The following MIR2052HG variants were observed in gnomAD, a reference collection of about 807,000 sequenced individuals.
The protein encoded by MIR2052HG is MIR2052 host gene.
At chr8:74,646,617 C>A (rs796869703) in intron 2 of MIR2052HG, among the ~76,000 whole-genome samples, 1 of 152,042 alleles carries the variant, frequency 6.6e-6, no homozygotes, top group East Asian at 1.9e-4. Flanking sequence ...ACATATAACA[C>A]TGGATATTTA....
chr8:74,751,792 C>G (rs1417249521), intron 4 of MIR2052HG, among the ~76,000 whole-genome samples: 1 of 152,048 alleles, frequency 6.6e-6, no homozygotes, highest in African/African-American at 2.4e-5. Flanking sequence ...AATACACAGG[C>G]CCATAATTGA....
At chr8:74,617,579 G>A (rs1019794558) in intron 2 of MIR2052HG, among the ~76,000 whole-genome samples, 3 of 151,730 alleles carry the variant, frequency 2.0e-5, no homozygotes, top group African/African-American at 7.3e-5. Context: ...GTATATATCT[G>A]TCTCACATTT....
intron 2 of MIR2052HG, among the ~76,000 whole-genome samples, chr8:74,652,420 G>A (rs1187380039): frequency 1.3e-5 from 2 of 152,142 alleles, no homozygotes; most frequent in Non-Finnish European, 2.9e-5. Context: ...CTGGAGTGAA[G>A]ACCATGTGGA....
chr8:74,605,114 C>T (rs1039998551), intron 1 of MIR2052HG, among the ~76,000 whole-genome samples: 1 of 152,192 alleles, frequency 6.6e-6, no homozygotes, highest in Non-Finnish European at 1.5e-5. Flanking sequence ...CTTCATTTCT[C>T]TAGAAGACAG....
chr8:74,687,509 G>C (rs1019981513), intron 2 of MIR2052HG, among the ~76,000 whole-genome samples: 1 of 152,064 alleles, frequency 6.6e-6, no homozygotes, highest in Non-Finnish European at 1.5e-5. Flanking sequence ...GAATTATTTA[G>C]CCATAAAAGA....
chr8:74,614,163 C>T (rs1808242588), intron 2 of MIR2052HG, among the ~76,000 whole-genome samples: 1 of 152,316 alleles, frequency 6.6e-6, no homozygotes, highest in African/African-American at 2.4e-5. Context: ...ACAGTGGCAA[C>T]AGTAACTTCT....
At chr8:74,748,797 A>G (rs1201282858) in intron 4 of MIR2052HG, among the ~76,000 whole-genome samples, 3 of 152,170 alleles carry the variant, frequency 2.0e-5, no homozygotes, top group Non-Finnish European at 4.4e-5. Context: ...AGATTCTGCA[A>G]TGAGATATGT....
chr8:74,612,586 T>C (rs950239629), intron 1 of MIR2052HG: 1 of 262,410 alleles, frequency 3.8e-6, no homozygotes, highest in Non-Finnish European at 7.6e-6. Flanking sequence ...CAAAATGCAG[T>C]CAAAGCATGA....
intron 2 of MIR2052HG, among the ~76,000 whole-genome samples, chr8:74,639,533 G>A (rs935882979): frequency 5.3e-5 from 8 of 152,130 alleles, no homozygotes; most frequent in Admixed American, 1.3e-4. Flanking sequence ...TATCTTTGCA[G>A]AATTTTAAGA....
intron 4 of MIR2052HG, among the ~76,000 whole-genome samples, chr8:74,745,095 C>T (rs1213403852): frequency 6.7e-6 from 1 of 149,718 alleles, no homozygotes; most frequent in African/African-American, 2.5e-5. Context: ...CCTGTCTCTA[C>T]AAAAAAAAAT....
At chr8:74,617,551 G>A (rs1808303359) in intron 2 of MIR2052HG, among the ~76,000 whole-genome samples, 1 of 151,266 alleles carries the variant, frequency 6.6e-6, no homozygotes, top group African/African-American at 2.4e-5. Context: ...ATATATATAT[G>A]TATATGTGCA....
intron 4 of MIR2052HG, among the ~76,000 whole-genome samples, chr8:74,742,989 A>AGGCT (rs755031300): frequency 1.3e-5 from 2 of 152,160 alleles, no homozygotes; most frequent in Non-Finnish European, 2.9e-5. Flanking sequence ...AGGCTGGACA[A>AGGCT]GGCTCAGATG....
intron 2 of MIR2052HG, among the ~76,000 whole-genome samples, chr8:74,667,866 G>A (rs1808948211): frequency 6.6e-6 from 1 of 152,104 alleles, no homozygotes; most frequent in Non-Finnish European, 1.5e-5. Context: ...GGGAGTGACT[G>A]TATTAAGGGT....
chr8:74,648,675 C>T (rs1436116445), intron 2 of MIR2052HG, among the ~76,000 whole-genome samples: 1 of 151,294 alleles, frequency 6.6e-6, no homozygotes, highest in East Asian at 1.9e-4. Context: ...CTGGCCGACA[C>T]TTAGGGAAAA....
At chr8:74,601,337 G>C (rs1430109557) in intron 1 of MIR2052HG, among the ~76,000 whole-genome samples, 2 of 152,160 alleles carry the variant, frequency 1.3e-5, no homozygotes, top group Non-Finnish European at 2.9e-5. Flanking sequence ...TGGTGTCTTT[G>C]TTCATGCTAT....
At chr8:74,643,042 G>A (rs1401316362) in intron 2 of MIR2052HG, among the ~76,000 whole-genome samples, 1 of 152,044 alleles carries the variant, frequency 6.6e-6, no homozygotes, top group Non-Finnish European at 1.5e-5. Context: ...AATTACATTC[G>A]TATGAGTTAC....
chr8:74,719,326 G>C (rs192326312), intron 4 of MIR2052HG, among the ~76,000 whole-genome samples: 1 of 152,246 alleles, frequency 6.6e-6, no homozygotes, highest in African/African-American at 2.4e-5. Flanking sequence ...AATAACTGCA[G>C]CAAAAGGGAA....
chr8:74,623,601 TC>T (rs1808396865), intron 2 of MIR2052HG, among the ~76,000 whole-genome samples: 2 of 152,240 alleles, frequency 1.3e-5, no homozygotes, highest in Admixed American at 1.3e-4. Context: ...AAATGGCACA[TC>T]TTTCAGTGGA....
intron 1 of MIR2052HG, chr8:74,603,427 T>C: frequency 1.2e-6 from 2 of 1,608,594 alleles, no homozygotes; most frequent in Non-Finnish European, 1.7e-6. Flanking sequence ...AATTTTGATC[T>C]GTGCCCCAGA....
Sources: gnomAD v4.1 joint callset for allele counts (sites outside exome capture counted in the v4.1 genomes callset) on GRCh38, gnomAD v4.1.1 for gene constraint, MANE v1.5 for transcripts, NCBI Gene and HGNC (gene_info 2026-07-23, HGNC 2026-07-21) for gene names.